Variants in TMEM232 observed in about 807,000 individuals in gnomAD.
TMEM232 encodes the protein transmembrane protein 232.
In TMEM232, 80 loss-of-function variants were observed where a neutral mutation model predicts 78.8. That is an observed-to-expected ratio of 1.01 (90% confidence interval 0.85 to 1.22). TMEM232 has a LOEUF of 1.22. TMEM232 is among the 50% of genes most tolerant of loss of function. The probability of loss-of-function intolerance (pLI) is 0.00; values close to 1 mark genes in which losing one functional copy is unlikely to be tolerated. For missense variants in TMEM232, 881 were observed against 742.2 expected (o/e 1.19, Z -2.17); for synonymous variants, 297 against 254.3 (o/e 1.17, Z -1.60).
intron 11 of TMEM232, among the ~76,000 whole-genome samples, chr5:110,546,037 T>A (rs1773737397): frequency 6.6e-6 from 1 of 152,086 alleles, no homozygotes; most frequent in South Asian, 2.1e-4. Flanking sequence ...AACAGTTGGG[T>A]TTATATTGAA....
chr5:110,432,103 G>A (rs1031223239), intron 12 of TMEM232, among the ~76,000 whole-genome samples: 3 of 151,618 alleles, frequency 2.0e-5, no homozygotes, highest in African/African-American at 7.3e-5. Context: ...AAGTAGAGAG[G>A]TTGACATGCA....
chr5:110,684,660 T>C (rs1793169831), intron 1 of TMEM232: 1 of 152,122 alleles, frequency 6.6e-6, no homozygotes, highest in South Asian at 2.1e-4. Context: ...ACAACAAAAA[T>C]TTAGCAAAGC....
intron 11 of TMEM232, among the ~76,000 whole-genome samples, chr5:110,539,191 C>T (rs753231808): frequency 2.6e-5 from 4 of 152,152 alleles, no homozygotes; most frequent in African/African-American, 9.7e-5. Context: ...AGTCAAAATA[C>T]GCTTAAAGAC....
chr5:110,440,922 A>G (rs1580692551), intron 12 of TMEM232, among the ~76,000 whole-genome samples: 1 of 152,172 alleles, frequency 6.6e-6, no homozygotes, highest in African/African-American at 2.4e-5. Flanking sequence ...ATGCAGTTCA[A>G]TAGAAGCTTG....
intron 10 of TMEM232, among the ~76,000 whole-genome samples, chr5:110,580,426 T>C (rs1778059695): frequency 6.6e-6 from 1 of 151,704 alleles, no homozygotes; most frequent in Non-Finnish European, 1.5e-5. Flanking sequence ...CCAGGTACCC[T>C]AGGTATTTAG....
intron 1 of TMEM232, among the ~76,000 whole-genome samples, chr5:110,702,942 T>C (rs1391093331): frequency 6.6e-6 from 1 of 151,996 alleles, no homozygotes; most frequent in Non-Finnish European, 1.5e-5. Flanking sequence ...AAAAAGAACA[T>C]TTAAACTACT....
chr5:110,696,589 A>G (rs890937900), intron 1 of TMEM232, among the ~76,000 whole-genome samples: 3 of 152,230 alleles, frequency 2.0e-5, no homozygotes, highest in Non-Finnish European at 4.4e-5. Context: ...TAAGCTGATA[A>G]GCAACTTCAG....
chr5:110,390,821 A>G (rs1268394283), intron 3 of TMEM232, among the ~76,000 whole-genome samples: 25 of 152,246 alleles, frequency 1.6e-4, no homozygotes, highest in Admixed American at 1.6e-3. Flanking sequence ...GCGTGATAGC[A>G]CAAAAAGCCA....
intron 12 of TMEM232, among the ~76,000 whole-genome samples, chr5:110,506,002 A>G (rs1423985576): frequency 6.6e-6 from 1 of 152,188 alleles, no homozygotes; most frequent in African/African-American, 2.4e-5. Flanking sequence ...TCAGACTCGC[A>G]TATCTAATTC....
chr5:110,722,975 T>G (rs901133646), intron 1 of TMEM232, among the ~76,000 whole-genome samples: 5 of 152,208 alleles, frequency 3.3e-5, no homozygotes, highest in Non-Finnish European at 7.3e-5. Context: ...TTTTCTTTTC[T>G]TATAATGTCC....
intron 12 of TMEM232, among the ~76,000 whole-genome samples, chr5:110,454,279 A>G (rs1397431575): frequency 3.3e-5 from 5 of 152,188 alleles, no homozygotes; most frequent in Non-Finnish European, 4.4e-5. Flanking sequence ...ACAAATTTAA[A>G]CAAATAAAAA....
intron 2 of TMEM232, among the ~76,000 whole-genome samples, chr5:110,647,842 A>G (rs909866697): frequency 5.3e-5 from 8 of 152,000 alleles, no homozygotes; most frequent in Admixed American, 1.3e-4. Context: ...CAACAGGTGC[A>G]TACTATTCTG....
chr5:110,534,493 T>G (rs78172705), intron 11 of TMEM232, among the ~76,000 whole-genome samples: 1 of 152,146 alleles, frequency 6.6e-6, no homozygotes, highest in African/African-American at 2.4e-5. Context: ...CTGTATAGAC[T>G]CTCCTTTTTA....
intron 3 of TMEM232, among the ~76,000 whole-genome samples, 180 bp from the exon 4 acceptor site, chr5:110,641,176 A>G (rs1278378284): frequency 6.6e-6 from 1 of 152,106 alleles, no homozygotes; most frequent in Non-Finnish European, 1.5e-5. Flanking sequence ...ATTTTATGCA[A>G]ACTGTATTAG....
intron 12 of TMEM232, among the ~76,000 whole-genome samples, chr5:110,430,635 T>TC (rs1339618623): frequency 1.3e-5 from 2 of 151,828 alleles, no homozygotes; most frequent in Non-Finnish European, 2.9e-5. Context: ...TTAGTTTTTT[T>TC]CCCATGGTCA....
At chr5:110,423,611 T>G (rs879676548) in intron 13 of TMEM232, among the ~76,000 whole-genome samples, 1 of 152,164 alleles carries the variant, frequency 6.6e-6, no homozygotes, top group Non-Finnish European at 1.5e-5. Context: ...CTTCTTTAGC[T>G]ACAATATAAG....
intron 12 of TMEM232, among the ~76,000 whole-genome samples, chr5:110,468,411 A>C (rs1762326298): frequency 6.6e-6 from 1 of 152,120 alleles, no homozygotes; most frequent in Non-Finnish European, 1.5e-5. Context: ...GTATAGACAT[A>C]CTACTATAAA....
At chr5:110,500,863 G>A (rs972646783) in intron 12 of TMEM232, among the ~76,000 whole-genome samples, 6 of 152,102 alleles carry the variant, frequency 3.9e-5, no homozygotes, top group African/African-American at 1.4e-4. Flanking sequence ...AAGAAAATTT[G>A]TGTTGTGAAA....
In TMEM232 at chr5:110,671,241, T is replaced by A. The variant is rs927533674; in HGVS notation, c.-12-3877A>T. Among the ~76,000 whole-genome samples, 37 of 152,242 alleles carry A rather than the reference T, an allele frequency of 2.4e-4. 1 individual carries two copies. Among genetic ancestry groups the A allele is most frequent in the Admixed American group, 1.4e-3 (22 of 15,284 alleles). On this transcript the variant is annotated intron_variant, in intron 1 of 13. Coordinates refer to ENST00000455884, the MANE Select transcript of TMEM232 (RefSeq NM_001039763.4). ...TTAGAATGGTGATCATTAAAAAGTC[T>A]GGAAACAACAGATGCTGGAGAGGAT...
Sources: gnomAD v4.1 joint callset for allele counts (sites outside exome capture counted in the v4.1 genomes callset) on GRCh38, gnomAD v4.1.1 for gene constraint, MANE v1.5 for transcripts, NCBI Gene and HGNC (gene_info 2026-07-23, HGNC 2026-07-21) for gene names.